POLDIP3: variants seen among roughly 807,000 people sequenced by gnomAD.
POLDIP3 encodes the protein DNA polymerase delta interacting protein 3, also known as polymerase delta-interacting protein 3.
A neutral mutation model predicts 45.1 loss-of-function variants in POLDIP3; 14 were observed. The observed-to-expected ratio is 0.31, with a 90% CI of 0.20 to 0.49. The LOEUF (loss-of-function observed/expected upper bound fraction) is 0.49. POLDIP3 is among the 20% of genes least tolerant of loss of function. POLDIP3 has a pLI of 0.99. For synonymous variants in POLDIP3, 223 were observed against 205.2 expected, an observed-to-expected ratio of 1.09 and a Z score of -0.74; for missense variants, 511 against 538.8, an observed-to-expected ratio of 0.95 and a Z score of 0.51.
intron 6 of POLDIP3, among the ~76,000 whole-genome samples, chr22:42,593,047 C>T (rs764944918): frequency 3.9e-5 from 6 of 152,206 alleles, no homozygotes; most frequent in African/African-American, 7.2e-5. Flanking sequence ...TGTAGATGCT[C>T]AAGTCCCTGC....
intron 1 of POLDIP3, among the ~76,000 whole-genome samples, chr22:42,604,812 G>A (rs1457354270): frequency 6.6e-6 from 1 of 152,220 alleles, no homozygotes; most frequent in African/African-American, 2.4e-5. Context: ...AACCTAAGGC[G>A]GTAATACAGA....
intron 1 of POLDIP3, among the ~76,000 whole-genome samples, chr22:42,606,177 G>A (rs1435161241): frequency 6.6e-6 from 1 of 151,476 alleles, no homozygotes; most frequent in Non-Finnish European, 1.5e-5. Flanking sequence ...GAAAACTTCT[G>A]AGTATTACTC....
In POLDIP3 at chr22:42,602,832, C is replaced by G. The variant is rs201038482; in HGVS notation, c.388G>C (p.Ala130Pro). The stretch of plus-strand genomic sequence containing the variant: ...GTCCCAATGGGTGGGTTTATGAAGG[C>G]AGCAGGGGAACTCCTCTTCAAGCTG... Reference protein sequence around the residue: ...KISLKRSSPAAFINPPIGTVT... With the variant: ...KISLKRSSPAPFINPPIGTVT... Residue 130 changes from alanine to proline, a missense_variant, in exon 2 of 9, where the codon GCC (alanine) becomes CCC (proline). Ala to Pro is a conservative substitution (Grantham distance 27, BLOSUM62 -1). Coordinates refer to ENST00000252115, the MANE Select transcript of POLDIP3 (RefSeq NM_032311.5). The G allele has an allele frequency of 6.2e-7, 1 of 1,612,360 alleles. No homozygotes were observed. The highest frequency in any genetic ancestry group is 1.1e-5 in the South Asian group (1 of 91,086).
At chr22:42,600,665 G>A (rs1180591592) in intron 3 of POLDIP3, among the ~76,000 whole-genome samples, 1 of 146,610 alleles carries the variant, frequency 6.8e-6, no homozygotes, top group Non-Finnish European at 1.5e-5. Context: ...CCACAACTAT[G>A]AGTTAAGTAA....
At position 42,583,976 on chromosome 22, in the gene POLDIP3, A is replaced by G. The variant is rs1925130183; in HGVS notation, c.*1815T>C. On this transcript the variant is annotated 3_prime_UTR_variant, in exon 9 of 9. Coordinates refer to ENST00000252115, the MANE Select transcript of POLDIP3 (RefSeq NM_032311.5). ...CCTATAGCACCAGCTCCAGATGGCCACGTGGCTGCAGCTGGACTCAATGAA... is the reference window on the plus strand; with the variant it reads ...CCTATAGCACCAGCTCCAGATGGCCGCGTGGCTGCAGCTGGACTCAATGAA... The G allele has an allele frequency of 6.6e-6, 1 of 152,310 alleles. No homozygotes were observed. Among genetic ancestry groups the G allele is most frequent in the African/African-American group, 2.4e-5 (1 of 41,434 alleles). 9.4% of individuals were successfully genotyped at this position (152,310 alleles called of 1,614,324 possible).
At chr22:42,599,833 T>C (rs746032106) in intron 3 of POLDIP3, 40 bp from the exon 4 acceptor site, 28 of 1,445,454 alleles carry the variant, frequency 1.9e-5, no homozygotes, top group Non-Finnish European at 2.5e-5. Context: ...AAATGTGGCA[T>C]CTGGGCCCTC....
intron 3 of POLDIP3, among the ~76,000 whole-genome samples, chr22:42,601,045 T>C (rs1926333932): frequency 3.3e-5 from 5 of 151,578 alleles, no homozygotes; most frequent in Admixed American, 6.6e-5. Context: ...CAGTGAGCCA[T>C]GACTGCACCA....
At chr22:42,614,777 G>C (rs1927377356) in intron 1 of POLDIP3, 22 bp downstream of exon 1, 1 of 1,613,792 alleles carries the variant, frequency 6.2e-7, no homozygotes, top group Non-Finnish European at 8.5e-7. Context: ...CCTAAACCCC[G>C]AAGAAAGGAA....
chr22:42,603,120 C>T lies in POLDIP3; in HGVS notation c.100G>A (p.Val34Ile), dbSNP rs748373417. The change falls in exon 2 of 9, where the codon GTT (valine) becomes ATT (isoleucine). Residue 34 changes from valine (V) to isoleucine (I), a missense_variant. This residue lies in a region of POLDIP3 where 378 missense variants were observed against 352.3 expected (regional missense o/e 1.07). Coordinates refer to ENST00000252115, the MANE Select transcript of POLDIP3 (RefSeq NM_032311.5). ...RPGVGGVRSR[V>I]GIQQGLLSQS... ...CTGAGAAGGCCTTGCTGGATCCCAA[C>T]TCGAGATCGGACACCTCCAACTCCC... The T allele has an allele frequency of 8.1e-6, 13 of 1,614,000 alleles. No homozygotes were observed. The highest frequency in any genetic ancestry group is 1.1e-5 in the Non-Finnish European group (13 of 1,180,034).
At chr22:42,592,389 T>C (rs1439727717) in intron 6 of POLDIP3, among the ~76,000 whole-genome samples, 1 of 152,146 alleles carries the variant, frequency 6.6e-6, no homozygotes, top group African/African-American at 2.4e-5. Context: ...GTTATGAAAA[T>C]TTTCGCAAAG....
At chr22:42,612,450 C>T (rs1452273969) in intron 1 of POLDIP3, among the ~76,000 whole-genome samples, 3 of 152,156 alleles carry the variant, frequency 2.0e-5, no homozygotes, top group Non-Finnish European at 2.9e-5. Flanking sequence ...GCTCCAGGGG[C>T]GTTGTGTGCT....
chr22:42,592,008 T>C lies in POLDIP3; in HGVS notation c.968A>G (p.Lys323Arg). The C allele has an allele frequency of 6.2e-7, 1 of 1,614,224 alleles. No homozygotes were observed. The highest frequency in any genetic ancestry group is 8.5e-7 in the Non-Finnish European group (1 of 1,180,046). The stretch of plus-strand genomic sequence containing the variant: ...ATATGCGGTGATGGCATCGTCCTTT[T>C]TCACAAACACCACCTCCGCTACCCC... ...HPGVAEVVFV[K>R]KDDAITAYKK... The change falls in exon 7 of 9, where the codon AAA (lysine) becomes AGA (arginine). Residue 323 changes from lysine (K) to arginine (R), a missense_variant. Transcript: ENST00000252115.
At chr22:42,587,699 G>A in intron 7 of POLDIP3, 127 bp from the exon 8 acceptor site, 2 of 869,324 alleles carry the variant, frequency 2.3e-6, no homozygotes, top group African/African-American at 1.7e-5. Flanking sequence ...CTCCACAGAT[G>A]GAGATGGGGC....
chr22:42,593,985 G>C (rs1330842136), intron 6 of POLDIP3, among the ~76,000 whole-genome samples: 2 of 152,144 alleles, frequency 1.3e-5, no homozygotes, highest in African/African-American at 2.4e-5. Context: ...ACCTCAGCTG[G>C]GCACAGTGGC....
At chr22:42,602,215 G>C in intron 2 of POLDIP3, 159 bp from the exon 3 acceptor site, 1 of 1,168,882 alleles carries the variant, frequency 8.6e-7, no homozygotes, top group Non-Finnish European at 1.2e-6. Context: ...AGTAACAGAA[G>C]AATCATCAAT....
chr22:42,611,806 G>A (rs1164065127), intron 1 of POLDIP3, among the ~76,000 whole-genome samples: 1 of 151,962 alleles, frequency 6.6e-6, no homozygotes, highest in Non-Finnish European at 1.5e-5. Flanking sequence ...GAACCTGGAA[G>A]CCAGAGGTTG....
intron 3 of POLDIP3, among the ~76,000 whole-genome samples, chr22:42,600,395 G>C (rs137105): frequency 7.9e-4 from 121 of 152,228 alleles, no homozygotes; most frequent in Non-Finnish European, 1.5e-3. Context: ...GGGAGGCCGA[G>C]GAGGGCGGAT....
intron 1 of POLDIP3, among the ~76,000 whole-genome samples, chr22:42,606,518 C>T (rs1433743784): frequency 6.6e-6 from 1 of 152,204 alleles, no homozygotes; most frequent in African/African-American, 2.4e-5. Flanking sequence ...GTCTACTCCA[C>T]AGGCTGAAGC....
intron 8 of POLDIP3, among the ~76,000 whole-genome samples, chr22:42,586,463 G>C (rs1925321600): frequency 6.6e-6 from 1 of 152,090 alleles, no homozygotes; most frequent in South Asian, 2.1e-4. Flanking sequence ...AAGTAACTGG[G>C]ACTATAGGTG....
Sources: allele counts gnomAD v4.1 joint callset (sites outside exome capture counted in the v4.1 genomes callset), GRCh38; gene constraint gnomAD v4.1.1; regional missense constraint gnomAD v4.1.1; transcripts MANE v1.5; gene names NCBI Gene and HGNC (gene_info 2026-07-23, HGNC 2026-07-21).